The following ABCG2 variants were observed in gnomAD, a reference collection of about 807,000 sequenced individuals.
ABCG2 encodes the protein broad substrate specificity ATP-binding cassette transporter ABCG2.
Under a neutral mutation model 73.5 loss-of-function variants are expected in ABCG2, and 80 were observed. The ratio of observed to expected loss-of-function variants is 1.09; its 90% CI spans 0.91 to 1.31. The LOEUF (loss-of-function observed/expected upper bound fraction) is 1.31, where lower values mean the gene tolerates loss of function less well. Ranked by LOEUF, ABCG2 falls within the 50% of genes most tolerant of loss-of-function variation. ABCG2 has a pLI of 0.00. For missense variants in ABCG2, 796 were observed against 786.2 expected (o/e 1.01, Z -0.15); for synonymous variants, 269 against 282.4 (o/e 0.95, Z 0.48).
chr4:88,113,273 T>C (rs1419257907), intron 9 of ABCG2, 30 bp downstream of exon 9: 2 of 1,606,468 alleles, frequency 1.2e-6, no homozygotes, highest in African/African-American at 2.7e-5. Context: ...TTGTTCCCAT[T>C]TGAGTATTTC....
chr4:88,229,882 T>A (rs6850822), intron 1 of ABCG2, among the ~76,000 whole-genome samples: 3 of 152,060 alleles, frequency 2.0e-5, no homozygotes, highest in Admixed American at 6.6e-5. Context: ...CTATTCCCTA[T>A]GCAAACTGAT....
At chr4:88,200,074 C>T (rs143861620) in intron 1 of ABCG2, among the ~76,000 whole-genome samples, 10,273 of 152,044 alleles carry the variant, frequency 0.068, 604 homozygotes, top group East Asian at 0.33. Context: ...CCTGTAATCC[C>T]AGCAATTTGG....
At chr4:88,207,980 T>C (rs2110120282) in intron 1 of ABCG2, among the ~76,000 whole-genome samples, 1 of 152,328 alleles carries the variant, frequency 6.6e-6, no homozygotes, top group African/African-American at 2.4e-5. Context: ...AGACTCTGCT[T>C]TTTCTTAGGG....
intron 1 of ABCG2, chr4:88,223,751 G>T: frequency 6.5e-6 from 1 of 153,030 alleles, no homozygotes; most frequent in South Asian, 2.0e-4. Context: ...CCTGAAGTAG[G>T]AACTGGAGCT....
Position 88,219,258 on chromosome 4 carries a change from T to A in ABCG2, c.-20+11736A>T, listed in dbSNP as rs1431040650. On this transcript the variant is annotated intron_variant, in intron 1 of 15. Coordinates refer to the ABCG2 transcript ENST00000515655. Reference sequence around the variant, plus strand: ...TTCTCAGTACACTGTTCCGCAAGTATTCACTGAATAGCTACCATGTGACAA... The same window carrying A: ...TTCTCAGTACACTGTTCCGCAAGTAATCACTGAATAGCTACCATGTGACAA... 3.3e-5 allele frequency among the ~76,000 whole-genome samples: 5 copies of A among 152,226 alleles called. No individual in the cohort carries two copies. In the East Asian group the frequency reaches 9.6e-4, roughly 29 times the overall value.
intron 8 of ABCG2, among the ~76,000 whole-genome samples, chr4:88,114,079 G>T (rs1723349568): frequency 6.6e-6 from 1 of 152,024 alleles, no homozygotes; most frequent in Admixed American, 6.6e-5. Context: ...GAGGCAGGAG[G>T]ATCATGCGAG....
intron 5 of ABCG2, among the ~76,000 whole-genome samples, chr4:88,123,034 C>T (rs1238443377): frequency 2.0e-5 from 3 of 152,174 alleles, no homozygotes; most frequent in Non-Finnish European, 4.4e-5. Flanking sequence ...CCCAGGCAAA[C>T]AGGGTCTGGA....
chr4:88,152,906 A>G (rs542813357), intron 1 of ABCG2, among the ~76,000 whole-genome samples: 21 of 152,116 alleles, frequency 1.4e-4, no homozygotes, highest in South Asian at 1.2e-3. Flanking sequence ...CTGAAGGAAG[A>G]TTTTGTGGTA....
Position 88,158,436 on chromosome 4 carries a change from G to A in ABCG2, c.-70C>T. On this transcript the variant is annotated 5_prime_UTR_variant, in exon 1 of 16. It adds an upstream start codon to the 5' untranslated region. Coordinates refer to ENST00000237612, the MANE Select transcript of ABCG2 (RefSeq NM_004827.3). ...CCAAAGGCTCAGGATCTCAGGATGC[G>A]TGCGCTCGGAGGCAGCGCTTTAACA... 2.2e-6 allele frequency: 1 copy of A among 448,410 alleles called. No homozygotes were observed. 27.8% of individuals were successfully genotyped at this position (448,410 alleles called of 1,614,324 possible).
chr4:88,115,256 CTATATA>C (rs1553933372), intron 7 of ABCG2, among the ~76,000 whole-genome samples, 198 bp from the exon 8 acceptor site: 3 of 69,868 alleles, frequency 4.3e-5, no homozygotes, highest in African/African-American at 1.1e-4. Context: ...CTCTCTCTCT[CTATATA>C]TATATATATA....
intron 1 of ABCG2, among the ~76,000 whole-genome samples, chr4:88,210,505 G>A (rs978863945): frequency 2.6e-5 from 4 of 152,120 alleles, no homozygotes; most frequent in Admixed American, 1.3e-4. Context: ...TGAGGATGAA[G>A]GATGTTGTTC....
chr4:88,129,073 A>G (rs1724648207), intron 5 of ABCG2, among the ~76,000 whole-genome samples: 1 of 152,158 alleles, frequency 6.6e-6, no homozygotes, highest in African/African-American at 2.4e-5. Context: ...TGTGAATGCA[A>G]CTATAATTAT....
intron 9 of ABCG2, among the ~76,000 whole-genome samples, chr4:88,108,989 A>G (rs1722942651): frequency 6.7e-6 from 1 of 149,574 alleles, no homozygotes; most frequent in East Asian, 2.0e-4. Context: ...TTTTAAGAAT[A>G]TTCAATTCAG....
intron 1 of ABCG2, among the ~76,000 whole-genome samples, chr4:88,218,881 T>C (rs1218391726): frequency 6.6e-6 from 1 of 152,200 alleles, no homozygotes; most frequent in Non-Finnish European, 1.5e-5. Context: ...AGATAGTGAA[T>C]ATTTTAGGCT....
At chr4:88,178,344 CA>C (rs1433061192) in intron 1 of ABCG2, among the ~76,000 whole-genome samples, 2 of 152,160 alleles carry the variant, frequency 1.3e-5, no homozygotes, top group East Asian at 3.9e-4. Flanking sequence ...AAGGGAAAAA[CA>C]CAGTCCTGGC....
intron 1 of ABCG2, among the ~76,000 whole-genome samples, chr4:88,177,968 T>C (rs1037822833): frequency 3.3e-5 from 5 of 152,136 alleles, no homozygotes; most frequent in African/African-American, 9.7e-5. Context: ...TCTGGGGTTC[T>C]AAATAAACTG....
chr4:88,181,677 G>A (rs1728259667), intron 1 of ABCG2, among the ~76,000 whole-genome samples: 1 of 152,150 alleles, frequency 6.6e-6, no homozygotes, highest in South Asian at 2.1e-4. Context: ...GTTGCAGGTA[G>A]CTGTGATTAC....
chr4:88,154,283 T>C (rs1469298189), intron 1 of ABCG2, among the ~76,000 whole-genome samples: 6 of 152,316 alleles, frequency 3.9e-5, no homozygotes, highest in Non-Finnish European at 5.9e-5. Flanking sequence ...CCTTTGGAAG[T>C]AAAGCGGCTT....
chr4:88,206,393 T>A (rs1729379324), intron 1 of ABCG2: 1 of 152,208 alleles, frequency 6.6e-6, no homozygotes, highest in African/African-American at 2.4e-5. Flanking sequence ...TTTTTAAAAA[T>A]TTTTTTGTAG....
Sources: allele counts gnomAD v4.1 joint callset (sites outside exome capture counted in the v4.1 genomes callset), GRCh38; gene constraint gnomAD v4.1.1; transcripts MANE v1.5; gene names NCBI Gene and HGNC (gene_info 2026-07-23, HGNC 2026-07-21).